The following ECE1 variants were observed in gnomAD, a reference collection of about 807,000 sequenced individuals.
ECE1 encodes the protein endothelin converting enzyme 1.
In ECE1, 35 loss-of-function variants were observed where a neutral mutation model predicts 98.6. The ratio of observed to expected loss-of-function variants is 0.35; its 90% CI spans 0.27 to 0.47. The LOEUF is 0.47. Ranked by LOEUF, ECE1 falls within the 20% of genes least tolerant of loss-of-function variation. The pLI is 1.00. For missense variants in ECE1, 814 were observed against 1,025.3 expected (o/e 0.79, Z 2.81); for synonymous variants, 394 against 407.1 (o/e 0.97, Z 0.39).
chr1:21,273,537 A>G (rs1038565965), intron 3 of ECE1, among the ~76,000 whole-genome samples: 5 of 152,180 alleles, frequency 3.3e-5, no homozygotes, highest in African/African-American at 1.2e-4. Flanking sequence ...TATGTGCCAA[A>G]AGGGTGATGT....
In ECE1 at chr1:21,263,013, G is replaced by A. The variant is rs184676521; in HGVS notation, c.494-2621C>T. On this transcript the variant is annotated intron_variant, in intron 4 of 18. Coordinates refer to ENST00000374893, the MANE Select transcript of ECE1 (RefSeq NM_001397.3). ...CTCGCGGGAGCATCTGATTACGCAC[G>A]GGGTGAACGCTGTGAGAACATCCCA... 1.8e-3 allele frequency among the ~76,000 whole-genome samples: 281 copies of A among 152,318 alleles called. 1 individual carries two copies. Among genetic ancestry groups the A allele is most frequent in the African/African-American group, 6.2e-3 (257 of 41,574 alleles).
chr1:21,306,806 G>A (rs1638607604), intron 1 of ECE1, among the ~76,000 whole-genome samples: 1 of 152,130 alleles, frequency 6.6e-6, no homozygotes, highest in South Asian at 2.1e-4. Flanking sequence ...ACAAAGACAG[G>A]GCAGCAGCGA....
chr1:21,310,403 C>T (rs116739948), intron 1 of ECE1, among the ~76,000 whole-genome samples: 1,796 of 152,306 alleles, frequency 0.012, 37 homozygotes, highest in African/African-American at 0.041. Context: ...TCTGATTGGC[C>T]AGGCCTGTTT....
At chr1:21,280,741 C>T (rs1410719431) in intron 2 of ECE1, among the ~76,000 whole-genome samples, 3 of 152,056 alleles carry the variant, frequency 2.0e-5, no homozygotes, top group East Asian at 1.9e-4. Flanking sequence ...CCCTGGCACT[C>T]GGGGATCTGA....
chr1:21,298,652 T>C (rs10916958), intron 1 of ECE1: 84,473 of 428,620 alleles, frequency 0.2, 9,373 homozygotes, highest in Non-Finnish European at 0.24. Flanking sequence ...CGGTGGCACA[T>C]GTCAGCTCCT....
At chr1:21,294,878 C>A (rs1255053379), upstream of ECE1, among the ~76,000 whole-genome samples, 2 of 152,200 alleles carry the variant, frequency 1.3e-5, no homozygotes, top group African/African-American at 4.8e-5. This position sits in a 1 kb window ranked among gnomAD's most constrained non-coding sequence, Gnocchi z 4.2. Context: ...GCCTCAGCTC[C>A]TTAGAGACGC....
Position 21,260,039 on chromosome 1 carries a change from A to G in ECE1, c.615+232T>C, listed in dbSNP as rs1457564469. Among the ~76,000 whole-genome samples the G allele has an allele frequency of 1.3e-5, 2 of 152,260 alleles. No individual in the cohort carries two copies. On this transcript the variant is annotated intron_variant, in intron 5 of 18. Transcript: ENST00000374893. This position sits in a 1 kb window ranked among gnomAD's most constrained non-coding sequence, Gnocchi z 4.3. The stretch of plus-strand genomic sequence containing the variant: ...TGACAGACATCTACAACAGATGCTG[A>G]CACACACTCTCACACAAACACATGC...
chr1:21,311,405 G>C lies in ECE1; in HGVS notation c.4-21249C>G, dbSNP rs1638719972. On this transcript the variant is annotated intron_variant, in intron 1 of 18. Transcript: ENST00000415912. ...AAGAGCATGCGGGCCGGGCATGGGGGTTCACGCCTGTGATCCCAGCACTTT... is the reference window on the plus strand; with the variant it reads ...AAGAGCATGCGGGCCGGGCATGGGGCTTCACGCCTGTGATCCCAGCACTTT... 2.0e-5 allele frequency among the ~76,000 whole-genome samples: 3 copies of C among 151,640 alleles called. No homozygotes were observed. The South Asian group carries it at 6.2e-4, about 31-fold the overall frequency.
At chr1:21,321,515 A>G (rs1182643514) in intron 1 of ECE1, among the ~76,000 whole-genome samples, 2 of 152,176 alleles carry the variant, frequency 1.3e-5, no homozygotes, top group Non-Finnish European at 2.9e-5. Flanking sequence ...CAAGTAATCA[A>G]TATGGAATGA....
In ECE1 at chr1:21,233,620, C is replaced by T. The variant is rs2098184539; in HGVS notation, c.1608G>A (p.Arg536=). The change falls in exon 14 of 19, where the codon CGG becomes CGA. Residue 536 remains arginine, a synonymous_variant. Transcript: ENST00000374893. This position sits in a 1 kb window ranked among gnomAD's most constrained non-coding sequence, Gnocchi z 4.0. ...VPDLYFENAM[R]FFNFSWRVTA... is the part of the protein sequence containing the mutation. ...TGACCCTCCATGAGAAGTTGAAAAA[C>T]CGCATGGCATTTTCAAAGTAGAGGT... 5.6e-6 allele frequency: 9 copies of T among 1,614,010 alleles called. No homozygotes were observed. The highest frequency in any genetic ancestry group is 3.3e-4 in the Middle Eastern group (2 of 5,992).
intron 3 of ECE1, among the ~76,000 whole-genome samples, chr1:21,273,411 G>C (rs1314044647): frequency 6.6e-6 from 1 of 150,616 alleles, no homozygotes; most frequent in African/African-American, 2.4e-5. Context: ...GCATAAAAAG[G>C]CAGAGTCCTT....
intron 13 of ECE1, among the ~76,000 whole-genome samples, chr1:21,234,523 C>A (rs547651154): frequency 6.6e-6 from 1 of 151,664 alleles, no homozygotes; most frequent in African/African-American, 2.4e-5. Context: ...CTGTCGCCCA[C>A]GCTGGAGTGC....
intron 1 of ECE1, among the ~76,000 whole-genome samples, chr1:21,314,524 T>C (rs1400082822): frequency 6.6e-6 from 1 of 152,266 alleles, no homozygotes. Flanking sequence ...GTGGGGCTTC[T>C]GACAGAACCT....
rs573929633 is a variant in ECE1 at position 21,277,196 on chromosome 1, G to A, written c.280+1995C>T. 3.2e-4 allele frequency among the ~76,000 whole-genome samples: 48 copies of A among 152,334 alleles called. No homozygotes were observed. In the South Asian group the frequency reaches 7.7e-3, roughly 24 times the overall value. The stretch of plus-strand genomic sequence containing the variant: ...GAAGAATGTTCCTCTCCCAGGTCCA[G>A]GCTGGAGAAAACCCTTCTGAGACCC... On this transcript the variant is annotated intron_variant, in intron 3 of 18. Transcript: ENST00000374893.
intron 14 of ECE1, among the ~76,000 whole-genome samples, chr1:21,228,443 A>G (rs2098177306): frequency 6.6e-6 from 1 of 152,166 alleles, no homozygotes; most frequent in Non-Finnish European, 1.5e-5. Context: ...ATGATGTCAT[A>G]TCACACGGTG....
intron 1 of ECE1, among the ~76,000 whole-genome samples, chr1:21,331,542 T>A (rs779413299): frequency 6.6e-6 from 1 of 151,708 alleles, no homozygotes; most frequent in Non-Finnish European, 1.5e-5. Flanking sequence ...TGATGCACGA[T>A]GGTGCCATTG....
chr1:21,287,133 G>A (rs565070198), intron 2 of ECE1, among the ~76,000 whole-genome samples: 2 of 152,270 alleles, frequency 1.3e-5, no homozygotes, highest in South Asian at 2.1e-4. Flanking sequence ...TTCCTAAAAC[G>A]AATGGACTTC....
At chr1:21,288,164 G>A (rs2098262669) in intron 2 of ECE1, among the ~76,000 whole-genome samples, 1 of 152,198 alleles carries the variant, frequency 6.6e-6, no homozygotes, top group Non-Finnish European at 1.5e-5. Context: ...GCCTTTTCCT[G>A]CAAGGAAAGT....
chr1:21,233,740 C>T lies in ECE1; in HGVS notation c.1567-79G>A. 7.3e-7 allele frequency: 1 copy of T among 1,364,588 alleles called. No individual in the cohort carries two copies. Among genetic ancestry groups the T allele is most frequent in the Admixed American group, 1.8e-5 (1 of 55,082 alleles). The allele number at this position is 1,364,588 out of a possible 1,614,324, so 84.5% of individuals were successfully genotyped here. A position where few individuals can be genotyped will look rare whatever the true frequency, so the allele number is the denominator to read the frequency against. On this transcript the variant is annotated intron_variant, in intron 13 of 18. Transcript: ENST00000374893. The surrounding 1 kb of genome is among the most constrained non-coding windows in gnomAD (Gnocchi z 4.0). ...TCCAAGACAGGAAGCCAAGGGCTGT[C>T]ATGGTTAAGAGATTAATCTGCAGGC...
Sources: allele counts gnomAD v4.1 joint callset (sites outside exome capture counted in the v4.1 genomes callset), GRCh38; gene constraint gnomAD v4.1.1; non-coding constraint Gnocchi (gnomAD v3.1); transcripts MANE v1.5; gene names NCBI Gene and HGNC (gene_info 2026-07-23, HGNC 2026-07-21).